Variants in PLD2 observed in about 807,000 individuals in gnomAD.
PLD2 encodes the protein choline phosphatase 2.
PLD2 carries 101 observed loss-of-function variants against 119.8 expected under a neutral mutation model. The observed-to-expected ratio is 0.84, with a 90% CI of 0.72 to 0.99. PLD2 has a LOEUF of 0.99. PLD2 is among the 50% of genes least tolerant of loss of function. PLD2 has a pLI of 0.00. For missense variants in PLD2, 1,164 were observed against 1,226.8 expected (o/e 0.95, Z 0.76); for synonymous variants, 494 against 482.8 (o/e 1.02, Z -0.30).
Position 4,814,454 on chromosome 17 carries a change from A to G in PLD2, c.1047A>G (p.Ala349=). The G allele has an allele frequency of 6.2e-7, 1 of 1,613,020 alleles. No homozygotes were observed. Among genetic ancestry groups the G allele is most frequent in the Non-Finnish European group, 8.5e-7 (1 of 1,179,748 alleles). ...GGGCAGGTTACTTTGCTGCTGTGGC[A>G]GATGCCATCCTTCGAGCTCAAGAGG... ...VNGAGYFAAV[A]DAILRAQEEI... The change falls in exon 11 of 25, where the codon GCA becomes GCG. Residue 349 remains alanine (A), a synonymous_variant. Transcript: ENST00000263088.
At chr17:4,811,989 CA>C (rs1305872842) in intron 10 of PLD2, among the ~76,000 whole-genome samples, 1 of 148,918 alleles carries the variant, frequency 6.7e-6, no homozygotes, top group African/African-American at 2.5e-5. Flanking sequence ...TAATTAAAAA[CA>C]TTTTTTTTTA....
At chr17:4,818,201 G>A in intron 18 of PLD2, 95 bp downstream of exon 18, 1 of 1,416,752 alleles carries the variant, frequency 7.1e-7, no homozygotes, top group Non-Finnish European at 1.0e-6. Flanking sequence ...GGCTGGTGGA[G>A]CAGAAGCAGA....
intron 17 of PLD2, 27 bp downstream of exon 17, chr17:4,817,286 T>C (rs1907085312): frequency 2.1e-6 from 3 of 1,406,832 alleles, no homozygotes; most frequent in Non-Finnish European, 3.0e-6. Context: ...CAGCCAGCCC[T>C]CCCCTTTGTC....
At chr17:4,820,783 A>G (rs1472936093) in intron 23 of PLD2, among the ~76,000 whole-genome samples, 1 of 146,094 alleles carries the variant, frequency 6.8e-6, no homozygotes, top group East Asian at 2.1e-4. Context: ...TCACCGTGTT[A>G]GCCAGGATGG....
chr17:4,815,634 A>T, intron 13 of PLD2, 48 bp downstream of exon 13: 1 of 1,579,528 alleles, frequency 6.3e-7, no homozygotes, highest in Middle Eastern at 1.8e-4. Context: ...CCTTCTCCCC[A>T]CACTGTCCCA....
At chr17:4,822,246 G>A (rs1907755954) in intron 24 of PLD2, among the ~76,000 whole-genome samples, 1 of 152,062 alleles carries the variant, frequency 6.6e-6, no homozygotes, top group African/African-American at 2.4e-5. Context: ...TTGAACTCAG[G>A]AGACAGAGAT....
At chr17:4,818,143 G>A in intron 18 of PLD2, 37 bp downstream of exon 18, 1 of 1,517,258 alleles carries the variant, frequency 6.6e-7, no homozygotes, top group Non-Finnish European at 9.2e-7. Flanking sequence ...GCATGGAAGG[G>A]GTGTCCCAGG....
chr17:4,815,811 G>T lies in PLD2; in HGVS notation c.1332G>T (p.Lys444Asn). The T allele has an allele frequency of 6.2e-7, 1 of 1,614,060 alleles. No individual in the cohort carries two copies. Among genetic ancestry groups the T allele is most frequent in the Non-Finnish European group, 8.5e-7 (1 of 1,179,960 alleles). ...DQVTLWAHHE[K>N]LLVVDQVVAF... ...TGACGTTGTGGGCCCATCATGAGAAGCTCCTGGTGGTGGACCAAGTGGTAG... is the reference window on the plus strand; with the variant it reads ...TGACGTTGTGGGCCCATCATGAGAATCTCCTGGTGGTGGACCAAGTGGTAG... Residue 444 changes from lysine to asparagine, a missense_variant, in exon 14 of 25, where the codon AAG becomes AAT. Coordinates refer to ENST00000263088, the MANE Select transcript of PLD2 (RefSeq NM_002663.5).
In PLD2 at chr17:4,808,533, C is replaced by T. The variant is rs1043992282; in HGVS notation, c.383+117C>T. 1.1e-5 allele frequency: 10 copies of T among 940,394 alleles called. No individual in the cohort carries two copies. The highest frequency in any genetic ancestry group is 2.4e-5 in the East Asian group (1 of 41,488). 58.3% of individuals were successfully genotyped at this position (940,394 alleles called of 1,614,324 possible). A position where few individuals can be genotyped will look rare whatever the true frequency, so the allele number is the denominator to read the frequency against. On this transcript the variant is annotated intron_variant, in intron 4 of 24. Transcript: ENST00000263088. The surrounding 1 kb of genome is among the most constrained non-coding windows in gnomAD (Gnocchi z 4.1). ...TGCAACTCTGGCCACTGTGCTGCCT[C>T]CCCTGACCCCAGTTACCAGGAAACT... is the stretch of plus-strand genomic sequence containing the variant.
chr17:4,814,280 A>G, intron 10 of PLD2, 138 bp from the exon 11 acceptor site: 4 of 1,367,850 alleles, frequency 2.9e-6, no homozygotes, highest in Non-Finnish European at 4.0e-6. Flanking sequence ...GATGTGTCTG[A>G]TACCACTTGT....
At chr17:4,810,663 T>C in intron 9 of PLD2, 139 bp from the exon 10 acceptor site, 1 of 761,818 alleles carries the variant, frequency 1.3e-6, no homozygotes, top group Non-Finnish European at 2.1e-6. Flanking sequence ...AATAAATAAA[T>C]AAGGCAGATA....
intron 10 of PLD2, among the ~76,000 whole-genome samples, chr17:4,812,389 G>A (rs934314418): frequency 4.8e-5 from 7 of 145,748 alleles, no homozygotes; most frequent in South Asian, 2.3e-4. Context: ...CTGACTCCCC[G>A]GTTCAAGTGA....
Position 4,819,272 on chromosome 17 carries a change from A to T in PLD2, c.2308+54A>T, listed in dbSNP as rs916933285. On this transcript the variant is annotated intron_variant, in intron 22 of 24. Transcript: ENST00000263088. This position sits in a 1 kb window ranked among gnomAD's most constrained non-coding sequence, Gnocchi z 4.2. ...GGAGAGGGTGTGGGGACAGGCGAAG[A>T]GATGAGAGGCAGGATGACAGAGACT... 6.8e-6 allele frequency: 11 copies of T among 1,608,342 alleles called. No individual in the cohort carries two copies. The Admixed American group carries it at 1.3e-4, about 20-fold the overall frequency.
chr17:4,811,110 C>T (rs1054237142), intron 10 of PLD2, among the ~76,000 whole-genome samples, 159 bp downstream of exon 10: 7 of 138,876 alleles, frequency 5.0e-5, no homozygotes, highest in African/African-American at 8.2e-5. Context: ...CATCTTTAAC[C>T]ACATTGATCT....
chr17:4,811,495 CT>C (rs1364611362), intron 10 of PLD2, among the ~76,000 whole-genome samples: 1 of 151,826 alleles, frequency 6.6e-6, no homozygotes, highest in East Asian at 1.9e-4. Context: ...CCAGGCTCTT[CT>C]CGAACTCCTG....
rs1192232807 is a variant in PLD2, at chr17:4,823,184, A to C, written c.*320A>C. The C allele has an allele frequency of 3.8e-6, 1 of 260,764 alleles. No homozygotes were observed. Among genetic ancestry groups the C allele is most frequent in the African/African-American group, 2.2e-5 (1 of 45,616 alleles). The allele number at this position is 260,764 out of a possible 1,614,324, so 16.2% of individuals were successfully genotyped here. A position where few individuals can be genotyped will look rare whatever the true frequency, so the allele number is the denominator to read the frequency against. Reference sequence around the variant, plus strand: ...GGGTCAAGCCTCTTATTCCAGGAGAAGGGGGCTCTGCCCCAGGCCCTACTA... The same window carrying C: ...GGGTCAAGCCTCTTATTCCAGGAGACGGGGGCTCTGCCCCAGGCCCTACTA... On this transcript the variant is annotated 3_prime_UTR_variant, in exon 25 of 25. Transcript: ENST00000263088.
At chr17:4,815,633 C>A (rs772083722) in intron 13 of PLD2, 47 bp downstream of exon 13, 1 of 1,577,590 alleles carries the variant, frequency 6.3e-7, no homozygotes, top group East Asian at 2.2e-5. Context: ...CCCTTCTCCC[C>A]ACACTGTCCC....
chr17:4,809,443 G>A (rs1366130943), intron 6 of PLD2, 50 bp from the exon 7 acceptor site: 1 of 1,610,962 alleles, frequency 6.2e-7, no homozygotes, highest in South Asian at 1.1e-5. Context: ...CCCAGGGTCT[G>A]AGGGGCTGAA....
chr17:4,819,092 G>A lies in PLD2; in HGVS notation c.2182G>A (p.Ala728Thr), dbSNP rs1205083960. ...LHRLKAAMGT[A>T]WRDYISICGL... ...CCCCTCCTGTCACGCAGTGGGGACA[G>A]CATGGCGGGACTATATTTCCATCTG... Residue 728 changes from alanine (A) to threonine (T), a missense_variant, in exon 22 of 25, where the codon GCA becomes ACA. By Grantham distance (58) the Ala-to-Thr change is moderately conservative. Transcript: ENST00000263088. The surrounding 1 kb of genome is among the most constrained non-coding windows in gnomAD (Gnocchi z 4.2). 1.2e-6 allele frequency: 2 copies of A among 1,614,140 alleles called. No homozygotes were observed. The highest frequency in any genetic ancestry group is 2.7e-5 in the African/African-American group (2 of 75,054).
Sources: gnomAD v4.1 joint callset for allele counts (sites outside exome capture counted in the v4.1 genomes callset) on GRCh38, gnomAD v4.1.1 for gene constraint, Gnocchi (gnomAD v3.1) non-coding constraint, MANE v1.5 for transcripts, NCBI Gene and HGNC (gene_info 2026-07-23, HGNC 2026-07-21) for gene names.